LRP4: variants seen among roughly 807,000 people sequenced by gnomAD.
The protein encoded by LRP4 is low-density lipoprotein receptor-related protein 4.
LRP4 carries 95 observed loss-of-function variants against 220.3 expected under a neutral mutation model. The observed-to-expected ratio is 0.43, with a 90% confidence interval of 0.37 to 0.51. The LOEUF (loss-of-function observed/expected upper bound fraction) is 0.51. LRP4 is among the 20% of genes least tolerant of loss of function. LRP4 has a pLI of 0.00. For missense variants in LRP4, 1,925 were observed against 2,567.0 expected (o/e 0.75, Z 5.40); for synonymous variants, 903 against 954.6 (o/e 0.95, Z 1.00).
rs1404875300 is a variant in LRP4 at position 46,857,748 on chromosome 11, G to A, written c.*1235C>T. 1.3e-5 allele frequency: 2 copies of A among 152,618 alleles called. No individual in the cohort carries two copies. Among genetic ancestry groups the A allele is most frequent in the Non-Finnish European group, 1.5e-5 (1 of 68,036 alleles). 9.5% of individuals were successfully genotyped at this position (152,618 alleles called of 1,614,324 possible). On this transcript the variant is annotated 3_prime_UTR_variant, in exon 38 of 38. Coordinates refer to ENST00000378623, the MANE Select transcript of LRP4 (RefSeq NM_002334.4). ...TGAGACACGTGCCCTTTGTGTGAAT[G>A]AGCATGAACCAAGTGATGGCATCCC...
chr11:46,878,838 C>G (rs1941080711), intron 22 of LRP4, 69 bp downstream of exon 22: 1 of 1,606,976 alleles, frequency 6.2e-7, no homozygotes, highest in Admixed American at 1.7e-5. Flanking sequence ...AGCCCATCTG[C>G]AAGGAAGGAA....
rs755164589 is a variant in LRP4 at position 46,881,923 on chromosome 11, G to C, written c.2613-20C>G. On this transcript the variant is annotated intron_variant, in intron 19 of 37. Transcript: ENST00000378623. ...ATGTACCTGGGCAAAGGCAAGGCAA[G>C]GCAGGTCTTACAAGCTAGTTAATAT... 14 of 1,613,822 alleles carry C rather than the reference G, an allele frequency of 8.7e-6. No individual in the cohort carries two copies. Among genetic ancestry groups the C allele is most frequent in the Non-Finnish European group, 7.6e-6 (9 of 1,179,768 alleles).
Position 46,899,110 on chromosome 11 carries a change from G to A in LRP4, c.548-78C>T. ...AGAGGGGCCCTGATTCCTCAAGCAG[G>A]CAGGATGCTCAGGCAGGAGAGCTTC... is the stretch of plus-strand genomic sequence containing the variant. On this transcript the variant is annotated intron_variant, in intron 5 of 37. Transcript: ENST00000378623. This position sits in a 1 kb window ranked among gnomAD's most constrained non-coding sequence, Gnocchi z 5.9. 1.4e-6 allele frequency: 2 copies of A among 1,401,912 alleles called. No homozygotes were observed. Among genetic ancestry groups the A allele is most frequent in the East Asian group, 2.3e-5 (1 of 43,502 alleles). The allele number at this position is 1,401,912 out of a possible 1,614,324, so 86.8% of individuals were successfully genotyped here.
At chr11:46,868,811 C>T in intron 32 of LRP4, 98 bp from the exon 33 acceptor site, 1 of 1,243,454 alleles carries the variant, frequency 8.0e-7, no homozygotes, top group Non-Finnish European at 1.2e-6. Flanking sequence ...TACCCTACTC[C>T]CAGGGACAGG....
At chr11:46,886,657 C>T in intron 16 of LRP4, 124 bp from the exon 17 acceptor site, 1 of 804,588 alleles carries the variant, frequency 1.2e-6, no homozygotes. Flanking sequence ...GCCCTTTGCC[C>T]CCTATACTTT....
At chr11:46,862,795 T>A in intron 36 of LRP4, 48 bp from the exon 37 acceptor site, 5 of 1,575,254 alleles carry the variant, frequency 3.2e-6, no homozygotes, top group Non-Finnish European at 4.4e-6. Context: ...TTTAAGGGGA[T>A]GATACCTGGG....
intron 34 of LRP4, among the ~76,000 whole-genome samples, chr11:46,867,661 A>G (rs1940739519): frequency 6.6e-6 from 1 of 152,080 alleles, no homozygotes; most frequent in African/African-American, 2.4e-5. Context: ...GGGTTTCTCC[A>G]TGTTGGGCAG....
At chr11:46,906,667 T>C (rs1173329267) in intron 1 of LRP4, among the ~76,000 whole-genome samples, 2 of 152,182 alleles carry the variant, frequency 1.3e-5, no homozygotes. Context: ...AGCAGTGTCC[T>C]GGGGCTGCGT....
chr11:46,903,025 GTCACCTGGAGAGTC>G, intron 1 of LRP4, 96 bp from the exon 2 acceptor site: 3 of 1,430,886 alleles, frequency 2.1e-6, no homozygotes, highest in Non-Finnish European at 2.9e-6. Flanking sequence ...CAGGGGCACT[GTCACCTGGAGAGTC>G]ACAGTGACAC....
chr11:46,896,922 T>C lies in LRP4; in HGVS notation c.869A>G (p.Asp290Gly). The C allele has an allele frequency of 6.2e-7, 1 of 1,614,226 alleles. No individual in the cohort carries two copies. The highest frequency in any genetic ancestry group is 1.3e-5 in the African/African-American group (1 of 75,052). ...GRCVRLSWRC[D>G]GEDDCADNSD... ...GTTGTCTGCACAGTCGTCCTCCCCA[T>C]CACAGCGCCAGGACAGGCGGACACA... The change falls in exon 8 of 38, where the codon GAT becomes GGT. Residue 290 changes from aspartate to glycine, a missense_variant. Physicochemically the swap from Asp to Gly is moderately conservative, Grantham distance 94. Around this residue, in one of 3 missense-constraint regions of LRP4, gnomAD observed 412 missense variants for 505.4 expected, o/e 0.82. Transcript: ENST00000378623.
At chr11:46,869,246 A>T in intron 31 of LRP4, 114 bp from the exon 32 acceptor site, 2 of 964,466 alleles carry the variant, frequency 2.1e-6, no homozygotes, top group Non-Finnish European at 3.2e-6. Flanking sequence ...TGCCCTCTTC[A>T]TCTCTTCCTC....
intron 20 of LRP4, 68 bp downstream of exon 20, chr11:46,881,634 G>A: frequency 6.8e-7 from 1 of 1,477,084 alleles, no homozygotes. Flanking sequence ...GTACTGTCCT[G>A]GAGGCTGTCA....
chr11:46,872,188 G>A (rs1022249663), intron 30 of LRP4, among the ~76,000 whole-genome samples: 10 of 152,174 alleles, frequency 6.6e-5, no homozygotes, highest in African/African-American at 1.7e-4. Context: ...CCCAGGAGGC[G>A]GAGGTTGCAG....
At chr11:46,866,249 T>C (rs768032935) in intron 34 of LRP4, among the ~76,000 whole-genome samples, 5 of 151,894 alleles carry the variant, frequency 3.3e-5, no homozygotes, top group Non-Finnish European at 7.4e-5. Context: ...TTTATTCACA[T>C]ATGTATTTCC....
Position 46,918,427 on chromosome 11 carries a change from C to A in LRP4, c.-48G>T, listed in dbSNP as rs1479601758. Reference sequence around the variant, plus strand: ...CGGGGTCCCGCCGGCTCCCGCCGGACGGCGCGGCGGAGAAGCCCGCGGAGG... The same window carrying A: ...CGGGGTCCCGCCGGCTCCCGCCGGAAGGCGCGGCGGAGAAGCCCGCGGAGG... On this transcript the variant is annotated 5_prime_UTR_variant, in exon 1 of 38. Transcript: ENST00000378623. The surrounding 1 kb of genome is among the most constrained non-coding windows in gnomAD (Gnocchi z 6.0). 2 of 1,307,394 alleles carry A rather than the reference C, an allele frequency of 1.5e-6. No individual in the cohort carries two copies. Among genetic ancestry groups the A allele is most frequent in the Non-Finnish European group, 1.9e-6 (2 of 1,032,398 alleles). The allele number at this position is 1,307,394 out of a possible 1,614,324, so 81.0% of individuals were successfully genotyped here.
chr11:46,868,170 G>T, intron 33 of LRP4, 56 bp from the exon 34 acceptor site: 1 of 1,607,540 alleles, frequency 6.2e-7, no homozygotes, highest in South Asian at 1.1e-5. Flanking sequence ...TCTACATATG[G>T]CCCAAGAGTA....
Position 46,918,282 on chromosome 11 carries a change from C to A in LRP4, c.52+46G>T. ...TCCAGGTCCCGGGAGGCGAGTCCTG[C>A]AGCGGCCGGACCCAGGGACAAACTT... On this transcript the variant is annotated intron_variant, in intron 1 of 37. Transcript: ENST00000378623. This position sits in a 1 kb window ranked among gnomAD's most constrained non-coding sequence, Gnocchi z 6.0. The A allele has an allele frequency of 6.6e-7, 1 of 1,505,746 alleles. No homozygotes were observed. The highest frequency in any genetic ancestry group is 1.2e-5 in the South Asian group (1 of 81,646). The allele number at this position is 1,505,746 out of a possible 1,614,324, so 93.3% of individuals were successfully genotyped here. A position where few individuals can be genotyped will look rare whatever the true frequency, so the allele number is the denominator to read the frequency against.
Position 46,875,082 on chromosome 11 carries a change from C to T in LRP4, c.3947G>A (p.Arg1316Lys). 2.5e-6 allele frequency: 4 copies of T among 1,613,464 alleles called. No individual in the cohort carries two copies. Among genetic ancestry groups the T allele is most frequent in the Non-Finnish European group, 3.4e-6 (4 of 1,180,034 alleles). ...GCAGAGGTGGGAGCAGCCGCCATTT[C>T]TCGAGCCGCACTTGTTAAAACCTGG... ...QPLGFNKCGSRNGGCSHLCLP... is the reference protein window; with the variant it reads ...QPLGFNKCGSKNGGCSHLCLP... Residue 1316 changes from arginine (R) to lysine (K), a missense_variant, in exon 28 of 38, where the codon AGA becomes AAA. Physicochemically the swap from Arg to Lys is conservative, Grantham distance 26. Coordinates refer to ENST00000378623, the MANE Select transcript of LRP4 (RefSeq NM_002334.4). This position sits in a 1 kb window ranked among gnomAD's most constrained non-coding sequence, Gnocchi z 4.5.
At chr11:46,874,500 G>A in intron 28 of LRP4, 1 of 411,450 alleles carries the variant, frequency 2.4e-6, no homozygotes, top group Non-Finnish European at 4.5e-6. Flanking sequence ...AGTCCTAGGG[G>A]ATTCTTGGAG....
Sources: gnomAD v4.1 joint callset for allele counts (sites outside exome capture counted in the v4.1 genomes callset) on GRCh38, gnomAD v4.1.1 for gene constraint, gnomAD v4.1.1 regional missense constraint, Gnocchi (gnomAD v3.1) non-coding constraint, MANE v1.5 for transcripts, NCBI Gene and HGNC (gene_info 2026-07-23, HGNC 2026-07-21) for gene names.